Variants in CNTN4 observed in about 807,000 individuals in gnomAD.
The protein encoded by CNTN4 is contactin 4.
Under a neutral mutation model 122.5 loss-of-function variants are expected in CNTN4, and 77 were observed. The ratio of observed to expected loss-of-function variants is 0.63; its 90% CI spans 0.52 to 0.76. CNTN4 has a LOEUF of 0.76. Ranked by LOEUF, CNTN4 falls within the 30% of genes least tolerant of loss-of-function variation. CNTN4 has a pLI of 0.00. For missense variants in CNTN4, 1,256 were observed against 1,259.1 expected (o/e 1.00, Z 0.04); for synonymous variants, 512 against 447.0 (o/e 1.15, Z -1.83).
intron 4 of CNTN4, among the ~76,000 whole-genome samples, chr3:2,688,117 T>TGTATACTG (rs1278059458): frequency 3.3e-5 from 5 of 152,240 alleles, no homozygotes; most frequent in Non-Finnish European, 5.9e-5. Context: ...CTTTGATAAC[T>TGTATACTG]TATTAAAATA....
intron 4 of CNTN4, among the ~76,000 whole-genome samples, chr3:2,670,515 A>G (rs974077273): frequency 3.0e-4 from 45 of 152,140 alleles, no homozygotes; most frequent in Admixed American, 9.8e-4. Flanking sequence ...TTTCCTAAAT[A>G]TAGCACACTG....
chr3:2,827,484 AT>A (rs1158448341), intron 7 of CNTN4, among the ~76,000 whole-genome samples: 5 of 152,232 alleles, frequency 3.3e-5, no homozygotes, highest in African/African-American at 9.6e-5. Flanking sequence ...AGAATTTCTC[AT>A]CTTTGGAGAT....
chr3:2,270,644 G>A (rs989224004), intron 2 of CNTN4, among the ~76,000 whole-genome samples: 1 of 145,316 alleles, frequency 6.9e-6, no homozygotes, highest in Admixed American at 6.9e-5. Flanking sequence ...TGACAAGGAG[G>A]GGGGAAAATA....
intron 4 of CNTN4, among the ~76,000 whole-genome samples, chr3:2,672,782 G>T (rs1363910472): frequency 6.6e-6 from 1 of 152,144 alleles, no homozygotes; most frequent in Non-Finnish European, 1.5e-5. Context: ...AGGCAGACAG[G>T]ACCCTTAATT....
chr3:2,716,184 T>C (rs1226800941), intron 4 of CNTN4, among the ~76,000 whole-genome samples: 1 of 152,100 alleles, frequency 6.6e-6, no homozygotes, highest in East Asian at 1.9e-4. Context: ...CAGCTGACCA[T>C]TTTTTAATAT....
chr3:2,824,390 G>A (rs537962090), intron 7 of CNTN4, among the ~76,000 whole-genome samples: 9 of 152,114 alleles, frequency 5.9e-5, no homozygotes, highest in African/African-American at 2.2e-4. Flanking sequence ...TCAGGAGGTG[G>A]AGGTTGCGGT....
intron 2 of CNTN4, among the ~76,000 whole-genome samples, chr3:2,203,182 A>G (rs1215007505): frequency 2.6e-5 from 4 of 152,128 alleles, no homozygotes; most frequent in East Asian, 1.9e-4. Flanking sequence ...ATTTCTATAC[A>G]TGTGTGTTGA....
intron 2 of CNTN4, among the ~76,000 whole-genome samples, chr3:2,154,258 G>C (rs910321554): frequency 6.6e-6 from 1 of 151,822 alleles, no homozygotes; most frequent in Non-Finnish European, 1.5e-5. Context: ...GGTGGTGGGC[G>C]CCTGTAATCC....
intron 7 of CNTN4, among the ~76,000 whole-genome samples, chr3:2,858,198 A>C (rs1254674426): frequency 6.6e-6 from 1 of 152,202 alleles, no homozygotes; most frequent in Non-Finnish European, 1.5e-5. Context: ...TGTGGTCTTC[A>C]GGCCGACAGC....
intron 12 of CNTN4, among the ~76,000 whole-genome samples, chr3:2,924,845 C>G (rs1236376732): frequency 6.6e-6 from 1 of 152,088 alleles, no homozygotes; most frequent in Non-Finnish European, 1.5e-5. Context: ...AGAGACAGTT[C>G]AGCATGTTCT....
chr3:2,439,839 C>G (rs940828585), intron 3 of CNTN4, among the ~76,000 whole-genome samples: 2 of 152,170 alleles, frequency 1.3e-5, no homozygotes, highest in African/African-American at 4.8e-5. Flanking sequence ...GCATTCAGCT[C>G]TGCAGTGAAC....
intron 10 of CNTN4, among the ~76,000 whole-genome samples, chr3:2,891,779 G>C (rs1397178238): frequency 2.6e-5 from 4 of 152,166 alleles, no homozygotes; most frequent in African/African-American, 7.2e-5. Flanking sequence ...ACAGAGTTTG[G>C]GTTTTATTCT....
At chr3:3,036,008 TAA>T (rs1366364752) in intron 17 of CNTN4, among the ~76,000 whole-genome samples, 1 of 152,198 alleles carries the variant, frequency 6.6e-6, no homozygotes, top group African/African-American at 2.4e-5. Flanking sequence ...TCCTATTTTT[TAA>T]AAGTTTCACA....
intron 7 of CNTN4, among the ~76,000 whole-genome samples, chr3:2,832,059 A>G (rs1052437402): frequency 5.3e-5 from 8 of 152,212 alleles, no homozygotes; most frequent in Admixed American, 1.3e-4. Context: ...AAAGACATTC[A>G]TGTACCTTCT....
At chr3:2,108,827 G>C (rs1454748185) in intron 2 of CNTN4, among the ~76,000 whole-genome samples, 1 of 152,204 alleles carries the variant, frequency 6.6e-6, no homozygotes, top group African/African-American at 2.4e-5. Flanking sequence ...TACATGCAAA[G>C]TACAAGCAGG....
At chr3:2,675,515 T>C (rs1461627016) in intron 4 of CNTN4, among the ~76,000 whole-genome samples, 1 of 152,192 alleles carries the variant, frequency 6.6e-6, no homozygotes, top group Non-Finnish European at 1.5e-5. Context: ...AATTATCTTG[T>C]TTATTTATGT....
chr3:2,603,731 AAGC>A (rs2081144273), intron 4 of CNTN4, among the ~76,000 whole-genome samples: 2 of 152,194 alleles, frequency 1.3e-5, no homozygotes. Context: ...TTCTTCAACA[AAGC>A]TCTATCTACT....
chr3:2,433,032 A>G (rs936815313), intron 3 of CNTN4, among the ~76,000 whole-genome samples: 5 of 151,964 alleles, frequency 3.3e-5, no homozygotes, highest in East Asian at 3.9e-4. Flanking sequence ...CGTGTTGCTC[A>G]AGTTGGTCTG....
At chr3:2,474,754 T>A (rs1449010552) in intron 3 of CNTN4, among the ~76,000 whole-genome samples, 2 of 152,202 alleles carry the variant, frequency 1.3e-5, no homozygotes, top group Non-Finnish European at 1.5e-5. Flanking sequence ...CTATGTTGCC[T>A]CCAACCCTTG....
Sources: allele counts gnomAD v4.1 joint callset (sites outside exome capture counted in the v4.1 genomes callset), GRCh38; gene constraint gnomAD v4.1.1; transcripts MANE v1.5; gene names NCBI Gene and HGNC (gene_info 2026-07-23, HGNC 2026-07-21).